The following PBX1 variants were observed in gnomAD, a reference collection of about 807,000 sequenced individuals.
The protein encoded by PBX1 is pre-B-cell leukemia transcription factor 1.
A neutral mutation model predicts 53.4 loss-of-function variants in PBX1; 6 were observed. That is an observed-to-expected ratio of 0.11 (90% CI 0.06 to 0.22). The LOEUF (loss-of-function observed/expected upper bound fraction) is 0.22, where lower values mean the gene tolerates loss of function less well. PBX1 is among the 10% of genes least tolerant of loss of function. The probability of loss-of-function intolerance (pLI) is 1.00; values close to 1 mark genes in which losing one functional copy is unlikely to be tolerated. For missense variants in PBX1, 251 were observed against 551.4 expected, an observed-to-expected ratio of 0.46 and a Z score of 5.46; for synonymous variants, 204 against 212.3, an observed-to-expected ratio of 0.96 and a Z score of 0.34.
intron 6 of PBX1, 73 bp from the exon 7 acceptor site, chr1:164,819,999 C>T: frequency 7.2e-6 from 6 of 832,620 alleles, no homozygotes; most frequent in South Asian, 1.5e-5. Flanking sequence ...GTCATTCTTC[C>T]TCTTGGCTGT....
At chr1:164,789,422 G>T (rs569108496) in intron 2 of PBX1, among the ~76,000 whole-genome samples, 1 of 152,340 alleles carries the variant, frequency 6.6e-6, no homozygotes, top group South Asian at 2.1e-4. Context: ...GTGATCACCT[G>T]TGTAGCTCCT....
intron 2 of PBX1, among the ~76,000 whole-genome samples, chr1:164,698,648 T>G (rs1461820149): frequency 6.6e-6 from 1 of 152,306 alleles, no homozygotes; most frequent in Non-Finnish European, 1.5e-5. Context: ...CTTAAGTTTG[T>G]GCAGTTGACT....
chr1:164,669,353 A>T (rs1165384693), intron 2 of PBX1, among the ~76,000 whole-genome samples: 1 of 152,098 alleles, frequency 6.6e-6, no homozygotes, highest in Admixed American at 6.5e-5. Flanking sequence ...CACTTTCTTG[A>T]GGTTGGGGAG....
intron 2 of PBX1, among the ~76,000 whole-genome samples, chr1:164,667,030 TAAGAA>T (rs1230153079): frequency 1.3e-5 from 2 of 152,072 alleles, no homozygotes; most frequent in Non-Finnish European, 2.9e-5. Context: ...AGATACACCC[TAAGAA>T]TAGAGCCTGA....
intron 2 of PBX1, among the ~76,000 whole-genome samples, chr1:164,597,848 TTAAA>T (rs1655873599): frequency 6.6e-6 from 1 of 152,144 alleles, no homozygotes. Flanking sequence ...TTTAAGAGAC[TTAAA>T]TTAATTATTG....
At chr1:164,768,657 G>C (rs1354075778) in intron 2 of PBX1, among the ~76,000 whole-genome samples, 1 of 152,152 alleles carries the variant, frequency 6.6e-6, no homozygotes, top group African/African-American at 2.4e-5. Flanking sequence ...GACAATAATT[G>C]ACAGAGAAGC....
At chr1:164,609,436 T>C (rs1656766142) in intron 2 of PBX1, among the ~76,000 whole-genome samples, 1 of 152,184 alleles carries the variant, frequency 6.6e-6, no homozygotes, top group Admixed American at 6.5e-5. Context: ...AGGACACGTA[T>C]AACAGTCTGA....
chr1:164,667,746 G>A (rs559464402), intron 2 of PBX1, among the ~76,000 whole-genome samples: 26 of 152,294 alleles, frequency 1.7e-4, no homozygotes, highest in East Asian at 3.9e-4. Context: ...GGAGTGAGCC[G>A]TTTAGCTAGT....
chr1:164,847,619 A>T lies in PBX1; in HGVS notation c.*943A>T. ...TTCAACCTCAACTATGCCTTCATAG[A>T]CACACACGTTCATGCACATGTAGGC... is the stretch of plus-strand genomic sequence containing the variant. On this transcript the variant is annotated 3_prime_UTR_variant, in exon 9 of 9. Coordinates refer to ENST00000420696, the MANE Select transcript of PBX1 (RefSeq NM_002585.4). The T allele has an allele frequency of 9.4e-7, 1 of 1,062,262 alleles. No individual in the cohort carries two copies. Among genetic ancestry groups the T allele is most frequent in the Non-Finnish European group, 1.1e-6 (1 of 877,318 alleles). The allele number at this position is 1,062,262 out of a possible 1,614,324, so 65.8% of individuals were successfully genotyped here.
chr1:164,587,232 T>C (rs1655011541), intron 2 of PBX1, among the ~76,000 whole-genome samples: 1 of 152,220 alleles, frequency 6.6e-6, no homozygotes, highest in Non-Finnish European at 1.5e-5. Flanking sequence ...GGGTGTGATT[T>C]TGGTAATCCT....
At chr1:164,799,357 G>A (rs1392934262) in intron 3 of PBX1, among the ~76,000 whole-genome samples, 1 of 152,074 alleles carries the variant, frequency 6.6e-6, no homozygotes, top group East Asian at 1.9e-4. Context: ...TGGGCGTGGT[G>A]GCGGGCGCCT....
Position 164,848,712 on chromosome 1 carries a change from G to C in PBX1, c.*2036G>C. The C allele has an allele frequency of 9.5e-7, 1 of 1,056,586 alleles. No individual in the cohort carries two copies. 65.5% of individuals were successfully genotyped at this position (1,056,586 alleles called of 1,614,324 possible). Reference sequence around the variant, plus strand: ...GTTGCCTTGTACATACTTGGTCCCTGTCACATTGACTGCTTGGGAGGCTTC... The same window carrying C: ...GTTGCCTTGTACATACTTGGTCCCTCTCACATTGACTGCTTGGGAGGCTTC... On this transcript the variant is annotated 3_prime_UTR_variant, in exon 9 of 9. Coordinates refer to ENST00000420696, the MANE Select transcript of PBX1 (RefSeq NM_002585.4).
chr1:164,790,925 C>T (rs756217008), intron 2 of PBX1, among the ~76,000 whole-genome samples: 7 of 152,116 alleles, frequency 4.6e-5, no homozygotes, highest in Middle Eastern at 3.2e-3. Flanking sequence ...GGAACTGGCA[C>T]TGTCCCCCTG....
chr1:164,641,029 G>A (rs1659110732), intron 2 of PBX1: 1 of 152,538 alleles, frequency 6.6e-6, no homozygotes, highest in Admixed American at 6.5e-5. Flanking sequence ...CTCTTTGCAG[G>A]GAGAGATCAT....
At chr1:164,705,856 T>C (rs1267925391) in intron 2 of PBX1, among the ~76,000 whole-genome samples, 1 of 152,248 alleles carries the variant, frequency 6.6e-6, no homozygotes, top group Non-Finnish European at 1.5e-5. Flanking sequence ...ATAAGTTGTT[T>C]ATAGCACCTG....
chr1:164,884,330 A>G (rs1672729240), intron 2 of PBX1, among the ~76,000 whole-genome samples: 1 of 152,152 alleles, frequency 6.6e-6, no homozygotes, highest in Admixed American at 6.6e-5. Context: ...GTGGCTGATG[A>G]GCCATTTCCT....
chr1:164,685,990 C>T (rs1458834384), intron 2 of PBX1, among the ~76,000 whole-genome samples: 1 of 152,142 alleles, frequency 6.6e-6, no homozygotes, highest in East Asian at 1.9e-4. Flanking sequence ...AGAGTCTGGG[C>T]CTTGGAGTTA....
rs953834516 is a variant in PBX1, at chr1:164,792,646, G to C, written c.418G>C (p.Gly140Arg). The part of the protein sequence containing the change: ...AAAAAASGGA[G>R]SDNSVEHSDY... ...AGCGGCGGCGGCTTCTGGAGGGGCA[G>C]GTTCAGACAACTCAGTGGAGCATTC... The change falls in exon 3 of 9, where the codon GGT becomes CGT. Residue 140 changes from glycine to arginine, a missense_variant. Physicochemically the swap from Gly to Arg is moderately radical, Grantham distance 125 (BLOSUM62 -2). This residue lies in a region of PBX1 where 76 missense variants were observed against 197.5 expected (regional missense o/e 0.38). Transcript: ENST00000420696. 2 of 1,614,044 alleles carry C rather than the reference G, an allele frequency of 1.2e-6. No homozygotes were observed. The highest frequency in any genetic ancestry group is 1.1e-5 in the South Asian group (1 of 91,076).
chr1:164,774,872 C>G (rs1469859370), intron 2 of PBX1, among the ~76,000 whole-genome samples: 1 of 152,182 alleles, frequency 6.6e-6, no homozygotes, highest in Non-Finnish European at 1.5e-5. Flanking sequence ...TATACAGTAG[C>G]CTTTGCCAGG....
Sources: gnomAD v4.1 joint callset for allele counts (sites outside exome capture counted in the v4.1 genomes callset) on GRCh38, gnomAD v4.1.1 for gene constraint, gnomAD v4.1.1 regional missense constraint, MANE v1.5 for transcripts, NCBI Gene and HGNC (gene_info 2026-07-23, HGNC 2026-07-21) for gene names.